RYR3: variants seen among roughly 807,000 people sequenced by gnomAD.
RYR3 encodes brain ryanodine receptor-calcium release channel.
RYR3 carries 207 observed loss-of-function variants against 584.3 expected under a neutral mutation model. The observed-to-expected ratio is 0.35, with a 90% CI of 0.32 to 0.40. The LOEUF is 0.40. Among genes scored for constraint, RYR3 ranks in the 10% least tolerant of loss-of-function variants. The probability of loss-of-function intolerance (pLI) is 1.00; values close to 1 mark genes in which losing one functional copy is unlikely to be tolerated. For missense variants in RYR3, 5,616 were observed against 6,089.2 expected (o/e 0.92, Z 2.59); for synonymous variants, 2,416 against 2,248.5 (o/e 1.07, Z -2.11).
chr15:33,362,565 G>A (rs573390440), intron 1 of RYR3, among the ~76,000 whole-genome samples: 1 of 152,174 alleles, frequency 6.6e-6, no homozygotes, highest in Non-Finnish European at 1.5e-5. Context: ...GGTTCCCAGT[G>A]TCCTACTTAG....
At chr15:33,348,841 G>T (rs1222325930) in intron 1 of RYR3, among the ~76,000 whole-genome samples, 1 of 151,912 alleles carries the variant, frequency 6.6e-6, no homozygotes, top group East Asian at 1.9e-4. Context: ...GGCGAGTTTT[G>T]CCAGATGTGT....
chr15:33,646,236 C>T, intron 28 of RYR3, 115 bp from the exon 29 acceptor site: 2 of 862,888 alleles, frequency 2.3e-6, no homozygotes, highest in Non-Finnish European at 3.6e-6. Flanking sequence ...CTGGACACAA[C>T]TTACTTCTGT....
At chr15:33,599,326 C>T (rs2059547919) in intron 16 of RYR3, among the ~76,000 whole-genome samples, 1 of 152,146 alleles carries the variant, frequency 6.6e-6, no homozygotes, top group African/African-American at 2.4e-5. Context: ...TTTATTTTGC[C>T]AAGGTTGAGG....
At chr15:33,786,054 T>C in intron 66 of RYR3, 72 bp downstream of exon 66, 1 of 1,282,554 alleles carries the variant, frequency 7.8e-7, no homozygotes, top group South Asian at 1.5e-5. Flanking sequence ...ATCTCTATTA[T>C]TAATTCCAAG....
At chr15:33,661,383 T>G (rs940043744) in intron 34 of RYR3, among the ~76,000 whole-genome samples, 5 of 152,124 alleles carry the variant, frequency 3.3e-5, no homozygotes, top group Admixed American at 3.3e-4. Context: ...CAGAGTATGT[T>G]TGTGAAAACA....
At chr15:33,570,134 A>G (rs1489051629) in intron 12 of RYR3, among the ~76,000 whole-genome samples, 1 of 152,132 alleles carries the variant, frequency 6.6e-6, no homozygotes, top group Non-Finnish European at 1.5e-5. Context: ...TGTCATATCT[A>G]AGAACTCTTT....
intron 2 of RYR3, among the ~76,000 whole-genome samples, chr15:33,497,314 C>T (rs964512057): frequency 6.6e-6 from 1 of 152,160 alleles, no homozygotes; most frequent in Non-Finnish European, 1.5e-5. Flanking sequence ...TGACACTTGC[C>T]ATGACTTGTT....
intron 74 of RYR3, chr15:33,815,986 T>A (rs2076793212): frequency 2.5e-6 from 1 of 398,050 alleles, no homozygotes; most frequent in African/African-American, 2.1e-5. Flanking sequence ...CCTCCTTTAT[T>A]GACCATGATT....
chr15:33,632,680 T>C (rs1026183561), intron 23 of RYR3, among the ~76,000 whole-genome samples: 18 of 152,186 alleles, frequency 1.2e-4, no homozygotes, highest in Admixed American at 9.8e-4. Flanking sequence ...GAAGTAGTTT[T>C]AGTAGAAATA....
intron 102 of RYR3, among the ~76,000 whole-genome samples, chr15:33,863,920 A>C (rs1273086984): frequency 6.6e-6 from 1 of 152,210 alleles, no homozygotes; most frequent in Non-Finnish European, 1.5e-5. Flanking sequence ...GGGATGGCAA[A>C]AAGCATCTCT....
At chr15:33,364,142 T>G (rs1442837727) in intron 1 of RYR3, among the ~76,000 whole-genome samples, 2 of 152,226 alleles carry the variant, frequency 1.3e-5, no homozygotes, top group Non-Finnish European at 2.9e-5. Context: ...TTGGATATAT[T>G]GTGCTAAGTA....
intron 13 of RYR3, among the ~76,000 whole-genome samples, chr15:33,581,301 T>G (rs1227715846): frequency 6.6e-6 from 1 of 152,080 alleles, no homozygotes; most frequent in Non-Finnish European, 1.5e-5. Context: ...ACTCTCCAAA[T>G]GGATGCTATT....
At chr15:33,609,453 C>G (rs2060062792) in intron 18 of RYR3, among the ~76,000 whole-genome samples, 1 of 152,102 alleles carries the variant, frequency 6.6e-6, no homozygotes, top group Non-Finnish European at 1.5e-5. Flanking sequence ...GCCAGGAGTT[C>G]AAGACCAGCC....
At chr15:33,602,600 C>T (rs926226420) in intron 17 of RYR3, among the ~76,000 whole-genome samples, 38 of 152,152 alleles carry the variant, frequency 2.5e-4, no homozygotes, top group African/African-American at 9.2e-4. Flanking sequence ...CCATGGTTGG[C>T]ACTCAGTAAA....
chr15:33,831,462 G>T (rs1183640704), intron 86 of RYR3, among the ~76,000 whole-genome samples: 1 of 152,220 alleles, frequency 6.6e-6, no homozygotes, highest in East Asian at 1.9e-4. Context: ...GTGGAGAAAT[G>T]ATTCATAGAA....
intron 88 of RYR3, 136 bp downstream of exon 88, chr15:33,837,123 A>G: frequency 1.5e-6 from 1 of 657,560 alleles, no homozygotes; most frequent in South Asian, 2.2e-5. Context: ...AATTTTCAGA[A>G]ACGAAAAATA....
At chr15:33,431,477 G>A (rs1235662298) in intron 1 of RYR3, among the ~76,000 whole-genome samples, 1 of 152,146 alleles carries the variant, frequency 6.6e-6, no homozygotes, top group African/African-American at 2.4e-5. Flanking sequence ...AAAAGGAAGA[G>A]AGGGGCTGGG....
intron 16 of RYR3, among the ~76,000 whole-genome samples, chr15:33,597,700 A>G (rs2059443462): frequency 6.6e-6 from 1 of 152,180 alleles, no homozygotes; most frequent in Non-Finnish European, 1.5e-5. Context: ...ACTTTAAAAT[A>G]AGGACTAAAC....
chr15:33,525,015 T>C (rs2054288288), intron 3 of RYR3, among the ~76,000 whole-genome samples: 1 of 152,230 alleles, frequency 6.6e-6, no homozygotes. Flanking sequence ...AAAGCATGGA[T>C]AAATATTAGG....
Sources: gnomAD v4.1 joint callset for allele counts (sites outside exome capture counted in the v4.1 genomes callset) on GRCh38, gnomAD v4.1.1 for gene constraint, MANE v1.5 for transcripts, NCBI Gene and HGNC (gene_info 2026-07-23, HGNC 2026-07-21) for gene names.